KAZN: variants seen among roughly 807,000 people sequenced by gnomAD.
KAZN encodes kazrin.
A neutral mutation model predicts 87.4 loss-of-function variants in KAZN; 40 were observed. The ratio of observed to expected loss-of-function variants is 0.46; its 90% confidence interval spans 0.36 to 0.60. The LOEUF (loss-of-function observed/expected upper bound fraction) is 0.60, where lower values mean the gene tolerates loss of function less well. KAZN is among the 20% of genes least tolerant of loss of function. The probability of loss-of-function intolerance (pLI) is 0.00; values close to 1 mark genes in which losing one functional copy is unlikely to be tolerated. For missense variants in KAZN, 898 were observed against 1,073.9 expected, an observed-to-expected ratio of 0.84 and a Z score of 2.29; for synonymous variants, 466 against 458.3, an observed-to-expected ratio of 1.02 and a Z score of -0.22.
intron 2 of KAZN, among the ~76,000 whole-genome samples, chr1:14,198,749 C>G (rs1348841058): frequency 1.3e-5 from 2 of 152,146 alleles, no homozygotes; most frequent in Admixed American, 6.5e-5. Flanking sequence ...GTGTCCAGCA[C>G]TAGTATAACC....
At chr1:14,572,109 A>T (rs1674907854) in intron 2 of KAZN, among the ~76,000 whole-genome samples, 1 of 152,170 alleles carries the variant, frequency 6.6e-6, no homozygotes. Context: ...AGCCCTCAGG[A>T]GGCAGGCCAA....
intron 2 of KAZN, among the ~76,000 whole-genome samples, chr1:14,470,974 G>A (rs937408261): frequency 4.6e-5 from 7 of 152,314 alleles, no homozygotes; most frequent in African/African-American, 1.7e-4. Context: ...GAGGTCCCAT[G>A]GTGAGGTATT....
rs990981927 is a variant in KAZN, at chr1:14,773,530, T to C, written c.226+174307T>C. Among the ~76,000 whole-genome samples the C allele has an allele frequency of 6.6e-6, 1 of 152,104 alleles. No homozygotes were observed. Among genetic ancestry groups the C allele is most frequent in the Admixed American group, 6.5e-5 (1 of 15,268 alleles). On this transcript the variant is annotated intron_variant, in intron 1 of 14. Coordinates refer to ENST00000376030, the MANE Select transcript of KAZN (RefSeq NM_201628.3). This position sits in a 1 kb window ranked among gnomAD's most constrained non-coding sequence, Gnocchi z 5.9. ...CACTGGGAGGCAAAAGGGCCTGGCT[T>C]CCCCGAATCTCAGCTTCCTCATCTG...
chr1:14,584,253 A>G (rs1675719028), intron 2 of KAZN, among the ~76,000 whole-genome samples: 1 of 152,200 alleles, frequency 6.6e-6, no homozygotes, highest in Non-Finnish European at 1.5e-5. Flanking sequence ...TGACCGAGGG[A>G]TAGGCCCAGT....
intron 2 of KAZN, among the ~76,000 whole-genome samples, chr1:14,492,296 A>G (rs1305253590): frequency 6.6e-6 from 1 of 152,030 alleles, no homozygotes; most frequent in Non-Finnish European, 1.5e-5. Flanking sequence ...TGGGGACCCC[A>G]CAGTTGGTCG....
At chr1:14,497,164 A>G (rs1295002751) in intron 2 of KAZN, among the ~76,000 whole-genome samples, 3 of 152,136 alleles carry the variant, frequency 2.0e-5, no homozygotes, top group African/African-American at 7.2e-5. Context: ...TCCAACTCTG[A>G]TAGCGATAAA....
intron 1 of KAZN, among the ~76,000 whole-genome samples, chr1:14,154,387 GT>G (rs1013284529): frequency 4.0e-5 from 6 of 151,778 alleles, no homozygotes; most frequent in Non-Finnish European, 5.9e-5. Flanking sequence ...AATTCTAATG[GT>G]TTTTTTTGTG....
intron 2 of KAZN, among the ~76,000 whole-genome samples, chr1:15,020,763 G>A (rs1670585094): frequency 6.6e-6 from 1 of 152,188 alleles, no homozygotes; most frequent in South Asian, 2.1e-4. Context: ...ACAGATGCAG[G>A]CCTTTCAGAC....
intron 1 of KAZN, among the ~76,000 whole-genome samples, chr1:14,903,280 G>A (rs1656136178): frequency 6.6e-6 from 1 of 152,172 alleles, no homozygotes; most frequent in African/African-American, 2.4e-5. Flanking sequence ...CCAAACACAG[G>A]ACCCAAACTA....
intron 2 of KAZN, among the ~76,000 whole-genome samples, chr1:14,433,066 C>T (rs557476845): frequency 8.5e-5 from 13 of 152,056 alleles, no homozygotes; most frequent in Admixed American, 6.6e-5. Flanking sequence ...ACACTCCTCC[C>T]AAAGCTCTAC....
At chr1:15,038,712 C>T (rs563995141) in intron 3 of KAZN, among the ~76,000 whole-genome samples, 1 of 152,288 alleles carries the variant, frequency 6.6e-6, no homozygotes, top group East Asian at 1.9e-4. Context: ...TGTGCACCTA[C>T]TGTATAAGGC....
intron 1 of KAZN, among the ~76,000 whole-genome samples, chr1:13,950,707 G>GA (rs1641313193): frequency 6.6e-6 from 1 of 152,168 alleles, no homozygotes; most frequent in Non-Finnish European, 1.5e-5. Flanking sequence ...CTGCGGCCTG[G>GA]AGAGAGCAGA....
At chr1:13,964,882 G>C (rs562864698) in intron 1 of KAZN, among the ~76,000 whole-genome samples, 1 of 152,208 alleles carries the variant, frequency 6.6e-6, no homozygotes, top group African/African-American at 2.4e-5. Flanking sequence ...CAGGCTGGCA[G>C]GGAAAGCTCT....
chr1:14,933,585 AATAATTAAAAT>A (rs1660097103), intron 1 of KAZN, among the ~76,000 whole-genome samples: 1 of 146,848 alleles, frequency 6.8e-6, no homozygotes, highest in South Asian at 2.1e-4. Flanking sequence ...ATCTTTTTCC[AATAATTAAAAT>A]CAGCACCTTG....
intron 2 of KAZN, among the ~76,000 whole-genome samples, chr1:14,585,811 C>T (rs1328441609): frequency 1.3e-5 from 2 of 152,172 alleles, no homozygotes; most frequent in Admixed American, 6.5e-5. Flanking sequence ...CCCAGCCCAC[C>T]GCACCGATGT....
intron 1 of KAZN, among the ~76,000 whole-genome samples, chr1:14,826,292 T>G (rs1000026351): frequency 6.6e-6 from 1 of 152,254 alleles, no homozygotes; most frequent in African/African-American, 2.4e-5. Flanking sequence ...TGTCTGCGGA[T>G]GTTCGTAAAA....
At chr1:14,781,276 C>T (rs1645333333) in intron 1 of KAZN, among the ~76,000 whole-genome samples, 1 of 152,288 alleles carries the variant, frequency 6.6e-6, no homozygotes, top group African/African-American at 2.4e-5. Flanking sequence ...GAGCCGAGAT[C>T]GCGCCACTGC....
chr1:15,040,624 G>T (rs1672788805), intron 3 of KAZN, among the ~76,000 whole-genome samples: 1 of 152,116 alleles, frequency 6.6e-6, no homozygotes, highest in African/African-American at 2.4e-5. Flanking sequence ...AAATTATCTG[G>T]ATGTGGTGTT....
intron 2 of KAZN, among the ~76,000 whole-genome samples, chr1:14,545,018 T>G (rs1177569591): frequency 6.6e-6 from 1 of 152,132 alleles, no homozygotes; most frequent in African/African-American, 2.4e-5. Flanking sequence ...GCAGGAGTGG[T>G]GTCACCTAAA....
Sources: allele counts gnomAD v4.1 joint callset (sites outside exome capture counted in the v4.1 genomes callset), GRCh38; gene constraint gnomAD v4.1.1; non-coding constraint Gnocchi (gnomAD v3.1); transcripts MANE v1.5; gene names NCBI Gene and HGNC (gene_info 2026-07-23, HGNC 2026-07-21).